Variants in MAP7D1 observed in about 807,000 individuals in gnomAD.
The protein encoded by MAP7D1 is MAP7 domain-containing protein 1.
Under a neutral mutation model 97.5 loss-of-function variants are expected in MAP7D1, and 30 were observed. The observed-to-expected ratio is 0.31, with a 90% CI of 0.23 to 0.42. MAP7D1 has a LOEUF of 0.42. Ranked by LOEUF, MAP7D1 falls within the 10% of genes least tolerant of loss-of-function variation. MAP7D1 has a pLI of 1.00. For missense variants in MAP7D1, 1,184 were observed against 1,179.5 expected (o/e 1.00, Z -0.06); for synonymous variants, 536 against 477.1 (o/e 1.12, Z -1.61).
In MAP7D1 at chr1:36,176,663, C is replaced by G. The variant is rs747637138; in HGVS notation, c.1234-34C>G. On this transcript the variant is annotated intron_variant, in intron 7 of 16. Transcript: ENST00000474796. This position sits in a 1 kb window ranked among gnomAD's most constrained non-coding sequence, Gnocchi z 6.1. ...TGGGGTACGCGGGCGCTGCTGACCT[C>G]TACTCTCCTCTTCCGTTCCTCCTTC... 1 of 1,605,272 alleles carries G rather than the reference C, an allele frequency of 6.2e-7. No homozygotes were observed. The highest frequency in any genetic ancestry group is 1.1e-5 in the South Asian group (1 of 89,274).
rs1255475440 is a variant in MAP7D1 at position 36,178,730 on chromosome 1, G to T, written c.1932G>T (p.Ala644=). The T allele has an allele frequency of 1.9e-6, 3 of 1,541,418 alleles. No individual in the cohort carries two copies. The East Asian group carries it at 7.3e-5, about 38-fold the overall frequency. Residue 644 remains alanine, a synonymous_variant, in exon 11 of 17, where the codon GCG becomes GCT. Coordinates refer to ENST00000474796, the MANE Select transcript of MAP7D1 (RefSeq NM_001388490.1). ...TGGCACGGGAGGCCGAGGCCCGGGCGGAGCGGGAGGCGGAGGCCCGGAGGC... is the reference window on the plus strand; with the variant it reads ...TGGCACGGGAGGCCGAGGCCCGGGCTGAGCGGGAGGCGGAGGCCCGGAGGC... The part of the protein sequence containing the change: ...EQLAREAEAR[A]EREAEARRRE...
chr1:36,178,168 C>A lies in MAP7D1; in HGVS notation c.1675C>A (p.Gln559Lys), dbSNP rs768554434. The change falls in exon 9 of 17, where the codon CAG becomes AAG. Residue 559 changes from glutamine to lysine, a missense_variant. Coordinates refer to ENST00000474796, the MANE Select transcript of MAP7D1 (RefSeq NM_001388490.1). ...PAPSPTPAPP[Q>K]KEQPPAETPT... ...GCCCTCGCCCACCCCAGCCCCGCCC[C>A]AGAAGGAGCAGCCCCCCGCGGAGAC... 1 of 1,578,238 alleles carries A rather than the reference C, an allele frequency of 6.3e-7. No individual in the cohort carries two copies. Among genetic ancestry groups the A allele is most frequent in the Non-Finnish European group, 8.6e-7 (1 of 1,163,362 alleles).
intron 8 of MAP7D1, among the ~76,000 whole-genome samples, chr1:36,177,174 T>C (rs1644639096): frequency 6.6e-6 from 1 of 152,200 alleles, no homozygotes; most frequent in African/African-American, 2.4e-5. Context: ...GATCTTGAAC[T>C]CTTGAGCTTA....
In MAP7D1 at chr1:36,176,952, T is replaced by C; in HGVS notation, c.1379+110T>C. ...AGAATGCAACTTCCCTGAGGGCAGA[T>C]TCTCTCTGTTTTGTTTGAGACAGGA... is the stretch of plus-strand genomic sequence containing the variant. On this transcript the variant is annotated intron_variant, in intron 8 of 16. Coordinates refer to ENST00000474796, the MANE Select transcript of MAP7D1 (RefSeq NM_001388490.1). The surrounding 1 kb of genome is among the most constrained non-coding windows in gnomAD (Gnocchi z 6.1). 1.1e-6 allele frequency: 1 copy of C among 940,366 alleles called. No individual in the cohort carries two copies. The highest frequency in any genetic ancestry group is 1.6e-5 in the South Asian group (1 of 62,606). The allele number at this position is 940,366 out of a possible 1,614,324, so 58.3% of individuals were successfully genotyped here.
At chr1:36,168,770 A>G (rs1450038219) in intron 1 of MAP7D1, among the ~76,000 whole-genome samples, 1 of 152,194 alleles carries the variant, frequency 6.6e-6, no homozygotes, top group Non-Finnish European at 1.5e-5. Flanking sequence ...ATTGCCTTCA[A>G]CAAGGCAGGA....
intron 1 of MAP7D1, among the ~76,000 whole-genome samples, chr1:36,170,048 GAAACAAAACA>G (rs377377950): frequency 6.6e-6 from 1 of 152,072 alleles, no homozygotes; most frequent in East Asian, 1.9e-4. Context: ...GACTTGGGGG[GAAACAAAACA>G]AAACAAAACA....
Position 36,178,832 on chromosome 1 carries a change from G to C in MAP7D1, c.2025+9G>C. The C allele has an allele frequency of 2.0e-6, 3 of 1,501,096 alleles. No individual in the cohort carries two copies. The highest frequency in any genetic ancestry group is 2.6e-6 in the Non-Finnish European group (3 of 1,143,862). 93.0% of individuals were successfully genotyped at this position (1,501,096 alleles called of 1,614,324 possible). A position where few individuals can be genotyped will look rare whatever the true frequency, so the allele number is the denominator to read the frequency against. ...AGCGGCTGCAGAAGCAGGTGCCCCC[G>C]GCGGGCGGGAAGCGGCTGGGCGCGG... On this transcript the variant is annotated intron_variant, in intron 11 of 16. Transcript: ENST00000474796.
rs747637138 is a variant in MAP7D1 at position 36,176,663 on chromosome 1, C to T, written c.1234-34C>T. On this transcript the variant is annotated intron_variant, in intron 7 of 16. Transcript: ENST00000474796. The surrounding 1 kb of genome is among the most constrained non-coding windows in gnomAD (Gnocchi z 6.1). ...TGGGGTACGCGGGCGCTGCTGACCT[C>T]TACTCTCCTCTTCCGTTCCTCCTTC... 6.2e-7 allele frequency: 1 copy of T among 1,605,272 alleles called. No individual in the cohort carries two copies.
At chr1:36,161,590 T>C (rs272827) in intron 1 of MAP7D1, among the ~76,000 whole-genome samples, 113,718 of 152,230 alleles carry the variant, frequency 0.75, 43,202 homozygotes, top group East Asian at 0.91. Context: ...ATGAGTTTAA[T>C]GTGTTTAGCT....
intron 6 of MAP7D1, among the ~76,000 whole-genome samples, chr1:36,175,927 C>T (rs753840943): frequency 4.6e-5 from 7 of 152,218 alleles, no homozygotes; most frequent in Non-Finnish European, 8.8e-5. Flanking sequence ...CTATATGCGC[C>T]GTTCAGGGCC....
chr1:36,170,010 C>T (rs1644520145), intron 1 of MAP7D1, among the ~76,000 whole-genome samples: 1 of 152,060 alleles, frequency 6.6e-6, no homozygotes. Flanking sequence ...ACTAACTAGA[C>T]CCTTGAAAAA....
chr1:36,161,653 C>G (rs1644410427), intron 1 of MAP7D1, among the ~76,000 whole-genome samples: 3 of 152,146 alleles, frequency 2.0e-5, no homozygotes, highest in Admixed American at 2.0e-4. Flanking sequence ...TTTCTCTGGG[C>G]CTAGGGAAAT....
intron 1 of MAP7D1, among the ~76,000 whole-genome samples, chr1:36,161,313 A>G (rs906342638): frequency 6.6e-6 from 1 of 152,114 alleles, no homozygotes; most frequent in African/African-American, 2.4e-5. Flanking sequence ...CGGCCCCACA[A>G]TTAGGCATTC....
In MAP7D1 at chr1:36,173,495, G is replaced by T. The variant is rs780105195; in HGVS notation, c.739+17G>T. On this transcript the variant is annotated intron_variant, in intron 5 of 16. Transcript: ENST00000474796. The stretch of plus-strand genomic sequence containing the variant: ...ATAAGACCAGTGAGTAGGCTGGAGG[G>T]GCTGGGGAGTGGGTGGGCAAGGCTG... 4.5e-6 allele frequency: 7 copies of T among 1,571,694 alleles called. No individual in the cohort carries two copies. The South Asian group carries it at 8.1e-5, about 18-fold the overall frequency.
At chr1:36,170,038 G>A (rs1644520340) in intron 1 of MAP7D1, among the ~76,000 whole-genome samples, 1 of 152,078 alleles carries the variant, frequency 6.6e-6, no homozygotes, top group Non-Finnish European at 1.5e-5. Context: ...GCAGCAAGTA[G>A]ACTTGGGGGG....
At chr1:36,179,053 G>T in intron 12 of MAP7D1, 28 bp downstream of exon 12, 1 of 1,543,986 alleles carries the variant, frequency 6.5e-7, no homozygotes, top group South Asian at 1.2e-5. Context: ...GGGATTTGTG[G>T]GCGGGGCCTG....
Position 36,180,258 on chromosome 1 carries a change from A to G in MAP7D1, c.2523A>G (p.Ter841=), listed in dbSNP as rs755292550. 11 of 1,614,032 alleles carry G rather than the reference A, an allele frequency of 6.8e-6. No homozygotes were observed. The East Asian group carries it at 2.2e-4, about 33-fold the overall frequency. ...CCTGTTTTTCCCCAGAAGTCCTTTA[A>G]GAGGGTTTGCCTTGGATCCGGGCAC... The part of the protein sequence containing the change: ...VQSPQVTEVL[*] Residue 841 remains the stop codon, a stop_retained_variant, in exon 17 of 17, where the codon TAA becomes TAG. Coordinates refer to ENST00000474796, the MANE Select transcript of MAP7D1 (RefSeq NM_001388490.1).
intron 1 of MAP7D1, among the ~76,000 whole-genome samples, chr1:36,157,985 C>G (rs1001225164): frequency 6.6e-6 from 1 of 152,116 alleles, no homozygotes; most frequent in African/African-American, 2.4e-5. Flanking sequence ...CCCTCTGCAC[C>G]TGAGGGCCTC....
intron 1 of MAP7D1, among the ~76,000 whole-genome samples, chr1:36,163,028 A>G (rs1340106874): frequency 6.6e-6 from 1 of 152,118 alleles, no homozygotes; most frequent in African/African-American, 2.4e-5. Flanking sequence ...TGTGAGAGGA[A>G]TATTTGGCCC....
Sources: allele counts gnomAD v4.1 joint callset (sites outside exome capture counted in the v4.1 genomes callset), GRCh38; gene constraint gnomAD v4.1.1; non-coding constraint Gnocchi (gnomAD v3.1); transcripts MANE v1.5; gene names NCBI Gene and HGNC (gene_info 2026-07-23, HGNC 2026-07-21).